Variants in DCAF12 observed in about 807,000 individuals in gnomAD.
DCAF12 encodes the protein DDB1- and CUL4-associated factor 12.
Under a neutral mutation model 52.8 loss-of-function variants are expected in DCAF12, and 28 were observed. The ratio of observed to expected loss-of-function variants is 0.53; its 90% CI spans 0.39 to 0.73. The LOEUF is 0.73. DCAF12 is among the 30% of genes least tolerant of loss of function. The pLI, the probability that DCAF12 is intolerant of heterozygous loss-of-function variation, is 0.00. For missense variants in DCAF12, 425 were observed against 552.2 expected, an observed-to-expected ratio of 0.77 and a Z score of 2.31; for synonymous variants, 196 against 215.5, an observed-to-expected ratio of 0.91 and a Z score of 0.79.
At chr9:34,109,167 G>A (rs1490219763) in intron 2 of DCAF12, 1 of 152,306 alleles carries the variant, frequency 6.6e-6, no homozygotes, top group Non-Finnish European at 1.5e-5. Context: ...AAAAACAGAA[G>A]GCTCTAGGCC....
chr9:34,113,053 A>G (rs1050861923), intron 2 of DCAF12, among the ~76,000 whole-genome samples: 2 of 152,074 alleles, frequency 1.3e-5, no homozygotes, highest in African/African-American at 4.8e-5. Context: ...CAAACTGCTG[A>G]TCAAAATATT....
chr9:34,103,965 A>C (rs1446921736), intron 4 of DCAF12, among the ~76,000 whole-genome samples: 1 of 152,126 alleles, frequency 6.6e-6, no homozygotes, highest in Admixed American at 6.6e-5. Flanking sequence ...TCTCCTGAAC[A>C]CTTCATAGAA....
chr9:34,115,810 T>C (rs1353542984), intron 2 of DCAF12, among the ~76,000 whole-genome samples: 3 of 152,026 alleles, frequency 2.0e-5, no homozygotes, highest in African/African-American at 7.2e-5. Flanking sequence ...CCACCTGGGC[T>C]CAGGCAATCC....
Position 34,125,234 on chromosome 9 carries a change from G to A in DCAF12, c.122C>T (p.Pro41Leu). The A allele has an allele frequency of 1.9e-6, 3 of 1,614,166 alleles. No homozygotes were observed. Among genetic ancestry groups the A allele is most frequent in the Non-Finnish European group, 2.5e-6 (3 of 1,180,018 alleles). ...GTAGTATACTAAGGATCTCTTCACA[G>A]GAGGAAGTCTTTTCCTTTTGTGAAG... ...HSLHKRKRLP[P>L]VKRSLVYYLK... Residue 41 changes from proline (P) to leucine (L), a missense_variant, in exon 2 of 9, where the codon CCT (proline) becomes CTT (leucine). Physicochemically the swap from Pro to Leu is moderately conservative, Grantham distance 98. Coordinates refer to ENST00000361264, the MANE Select transcript of DCAF12 (RefSeq NM_015397.4).
intron 7 of DCAF12, among the ~76,000 whole-genome samples, chr9:34,090,204 C>T (rs570410121): frequency 1.5e-4 from 23 of 152,252 alleles, no homozygotes; most frequent in African/African-American, 4.8e-4. Flanking sequence ...GCTGGGATTA[C>T]AGGCTCCTGC....
At chr9:34,101,045 G>T (rs1292943273) in intron 4 of DCAF12, among the ~76,000 whole-genome samples, 2 of 146,394 alleles carry the variant, frequency 1.4e-5, no homozygotes, top group Non-Finnish European at 3.0e-5. Flanking sequence ...AACCCACAGG[G>T]ACCACAAACC....
Position 34,088,708 on chromosome 9 carries a change from C to A in DCAF12, c.1204-200G>T, listed in dbSNP as rs1475575840. On this transcript the variant is annotated intron_variant, in intron 8 of 8. Coordinates refer to ENST00000361264, the MANE Select transcript of DCAF12 (RefSeq NM_015397.4). ...AACTAAACGTTAGAGAAGAACGGAG[C>A]AGCTGAAGAATTGCTATACAAGGCT... 3.3e-5 allele frequency among the ~76,000 whole-genome samples: 5 copies of A among 152,282 alleles called. No homozygotes were observed. The East Asian group carries it at 9.6e-4, about 29-fold the overall frequency.
intron 6 of DCAF12, chr9:34,096,373 G>A (rs1828736101): frequency 4.2e-6 from 1 of 238,012 alleles, no homozygotes; most frequent in East Asian, 1.0e-4. Context: ...GTGAGACCCT[G>A]TATTTATTGT....
intron 1 of DCAF12, 140 bp downstream of exon 1, chr9:34,126,214 C>T (rs1829247968): frequency 9.3e-7 from 1 of 1,071,814 alleles, no homozygotes. Flanking sequence ...CCAGTCCTGA[C>T]CCTATAGGCC....
chr9:34,098,001 T>C (rs559664934), intron 5 of DCAF12, among the ~76,000 whole-genome samples: 7 of 150,376 alleles, frequency 4.7e-5, no homozygotes, highest in Non-Finnish European at 1.0e-4. Context: ...CAGAAGCAAG[T>C]ATGAAAATCA....
intron 2 of DCAF12, among the ~76,000 whole-genome samples, chr9:34,120,203 C>CAAAAAAAAAAAAAA (rs34481024): frequency 3.8e-5 from 1 of 26,198 alleles, no homozygotes; most frequent in Admixed American, 7.9e-4. Context: ...AAGTCCGTCT[C>CAAAAAAAAAAAAAA]AAAAAAAAAA....
At position 34,121,515 on chromosome 9, in the gene DCAF12, G is replaced by C. The variant is rs1467203955; in HGVS notation, c.333+3508C>G. Among the ~76,000 whole-genome samples the C allele has an allele frequency of 3.9e-5, 6 of 152,170 alleles. No homozygotes were observed. In the South Asian group the frequency reaches 8.3e-4, roughly 21 times the overall value. On this transcript the variant is annotated intron_variant, in intron 2 of 8. Coordinates refer to ENST00000361264, the MANE Select transcript of DCAF12 (RefSeq NM_015397.4). ...TCTGCTACAAGAACAGTCCCTGGTAGTCTTTGACTGGAGAGTGCTGACAAT... is the reference window on the plus strand; with the variant it reads ...TCTGCTACAAGAACAGTCCCTGGTACTCTTTGACTGGAGAGTGCTGACAAT...
At chr9:34,089,622 C>A in intron 7 of DCAF12, 32 bp from the exon 8 acceptor site, 3 of 1,564,848 alleles carry the variant, frequency 1.9e-6, no homozygotes, top group Admixed American at 1.8e-5. Context: ...GGCAGTGAGG[C>A]GGGAGAGAAT....
intron 4 of DCAF12, among the ~76,000 whole-genome samples, chr9:34,104,913 G>A (rs529174232): frequency 5.2e-4 from 77 of 148,892 alleles, no homozygotes; most frequent in Middle Eastern, 3.5e-3. Flanking sequence ...GCAAGACTCC[G>A]TCTCCAAAAA....
At chr9:34,089,363 A>C in intron 8 of DCAF12, 49 bp downstream of exon 8, 2 of 1,533,148 alleles carry the variant, frequency 1.3e-6, no homozygotes, top group Non-Finnish European at 1.8e-6. Flanking sequence ...AGAGGAAGAT[A>C]ATTTTTCTGT....
chr9:34,099,152 CGG>C (rs1828787760), intron 4 of DCAF12, among the ~76,000 whole-genome samples: 1 of 152,140 alleles, frequency 6.6e-6, no homozygotes. Flanking sequence ...ACTGCAACCT[CGG>C]CCTCCTGGGT....
intron 2 of DCAF12, among the ~76,000 whole-genome samples, chr9:34,122,274 C>T (rs1250028019): frequency 3.3e-5 from 5 of 152,120 alleles, no homozygotes; most frequent in African/African-American, 9.7e-5. Context: ...GCCAGGAATG[C>T]CTGCTCTCTA....
At chr9:34,108,801 ATAAAT>A (rs1424856417) in intron 2 of DCAF12, among the ~76,000 whole-genome samples, 6 of 126,100 alleles carry the variant, frequency 4.8e-5, no homozygotes, top group Non-Finnish European at 1.1e-4. Flanking sequence ...CTCAAAAAAA[ATAAAT>A]AAATAAATAT....
Position 34,089,399 on chromosome 9 carries a change from G to C in DCAF12, c.1203+13C>G. The C allele has an allele frequency of 2.5e-6, 4 of 1,606,500 alleles. No homozygotes were observed. The highest frequency in any genetic ancestry group is 3.4e-6 in the Non-Finnish European group (4 of 1,175,566). On this transcript the variant is annotated intron_variant, in intron 8 of 8. Transcript: ENST00000361264. ...TACTGTGTAGCAGTCATCTCAGGTA[G>C]GGGCTTACGCACCAGCCAGCCTTTG...
Sources: allele counts gnomAD v4.1 joint callset (sites outside exome capture counted in the v4.1 genomes callset), GRCh38; gene constraint gnomAD v4.1.1; transcripts MANE v1.5; gene names NCBI Gene and HGNC (gene_info 2026-07-23, HGNC 2026-07-21).